Variants in STIM1 observed in about 807,000 individuals in gnomAD.
The protein encoded by STIM1 is stromal interaction molecule 1.
Under a neutral mutation model 74.7 loss-of-function variants are expected in STIM1, and 25 were observed. That is an observed-to-expected ratio of 0.33 (90% CI 0.24 to 0.47). The LOEUF (loss-of-function observed/expected upper bound fraction) is 0.47. STIM1 is among the 20% of genes least tolerant of loss of function. The pLI is 1.00. For missense variants in STIM1, 728 were observed against 920.8 expected (o/e 0.79, Z 2.71); for synonymous variants, 328 against 348.8 (o/e 0.94, Z 0.66).
At chr11:3,902,104 T>C (rs2092364542) in intron 1 of STIM1, among the ~76,000 whole-genome samples, 1 of 152,174 alleles carries the variant, frequency 6.6e-6, no homozygotes. Flanking sequence ...TCTTGGGTAA[T>C]GGAGATGTAG....
chr11:3,994,190 C>T (rs898805844), intron 2 of STIM1, among the ~76,000 whole-genome samples: 10 of 152,152 alleles, frequency 6.6e-5, no homozygotes, highest in Non-Finnish European at 8.8e-5. Context: ...ATCCCATTGT[C>T]TTCTGGCATC....
intron 2 of STIM1, among the ~76,000 whole-genome samples, chr11:4,011,852 T>A (rs967285053): frequency 6.6e-6 from 1 of 152,234 alleles, no homozygotes; most frequent in Non-Finnish European, 1.5e-5. Flanking sequence ...TTTTTATGGT[T>A]TTAGGTCTTA....
At chr11:3,895,650 C>CTTTG in intron 1 of STIM1, among the ~76,000 whole-genome samples, 1 of 11,852 alleles carries the variant, frequency 8.4e-5, no homozygotes, top group East Asian at 3.2e-3. Flanking sequence ...TTCTTTCTTT[C>CTTTG]TTTCTTTCTT....
At chr11:4,035,690 T>A (rs1243570052) in intron 3 of STIM1, among the ~76,000 whole-genome samples, 2 of 152,158 alleles carry the variant, frequency 1.3e-5, no homozygotes, top group Non-Finnish European at 2.9e-5. Context: ...TGATCTGAGA[T>A]CATACTTTAT....
intron 2 of STIM1, among the ~76,000 whole-genome samples, chr11:3,997,178 G>A (rs149453384): frequency 6.6e-6 from 1 of 152,338 alleles, no homozygotes; most frequent in African/African-American, 2.4e-5. Flanking sequence ...TTTTGGTGGG[G>A]CATCAACAAT....
intron 1 of STIM1, among the ~76,000 whole-genome samples, chr11:3,909,183 C>T (rs1209666587): frequency 6.6e-6 from 1 of 152,086 alleles, no homozygotes; most frequent in Non-Finnish European, 1.5e-5. Context: ...CTGGGGAGGC[C>T]AAGGCCAGAG....
At chr11:3,942,240 A>G (rs16929611) in intron 1 of STIM1, among the ~76,000 whole-genome samples, 11,417 of 152,092 alleles carry the variant, frequency 0.075, 763 homozygotes, top group East Asian at 0.18. Context: ...TGGTCTGTCT[A>G]CTCCAATGAG....
chr11:3,875,737 A>AC (rs1257430867), intron 1 of STIM1, among the ~76,000 whole-genome samples: 2 of 151,934 alleles, frequency 1.3e-5, no homozygotes, highest in Non-Finnish European at 2.9e-5. Flanking sequence ...AAAAAAAAAA[A>AC]ACCCCTAAAA....
chr11:3,966,362 G>T (rs948527646), intron 1 of STIM1, among the ~76,000 whole-genome samples: 1 of 152,322 alleles, frequency 6.6e-6, no homozygotes, highest in Admixed American at 6.5e-5. Context: ...CTAGCAAGAG[G>T]TAGAGAGGTG....
chr11:4,089,481 G>T (rs1182530962), intron 12 of STIM1, among the ~76,000 whole-genome samples: 2 of 152,168 alleles, frequency 1.3e-5, no homozygotes, highest in Non-Finnish European at 2.9e-5. Context: ...TCATCTTGGG[G>T]CTTAGAGAAA....
chr11:4,030,992 A>G (rs896756678), intron 3 of STIM1, among the ~76,000 whole-genome samples: 2 of 152,240 alleles, frequency 1.3e-5, no homozygotes, highest in African/African-American at 2.4e-5. Flanking sequence ...TTGTGAAACC[A>G]TCACTGCATT....
intron 7 of STIM1, among the ~76,000 whole-genome samples, chr11:4,078,760 G>C (rs2094450125): frequency 6.6e-6 from 1 of 151,372 alleles, no homozygotes; most frequent in South Asian, 2.1e-4. Context: ...TAGTAGAGAA[G>C]GGGTTTCACC....
chr11:3,892,337 C>T, intron 1 of STIM1: 1 of 1,072,472 alleles, frequency 9.3e-7, no homozygotes, highest in Non-Finnish European at 1.4e-6. Flanking sequence ...GGGGTGCTCT[C>T]CTGACCTACA....
intron 1 of STIM1, among the ~76,000 whole-genome samples, chr11:3,924,259 C>T (rs2092759274): frequency 6.8e-6 from 1 of 146,152 alleles, no homozygotes; most frequent in Admixed American, 7.0e-5. Flanking sequence ...AGTGCAGTGG[C>T]GCAATCTCGG....
At chr11:4,090,137 C>T (rs987148708) in intron 12 of STIM1, among the ~76,000 whole-genome samples, 1 of 152,196 alleles carries the variant, frequency 6.6e-6, no homozygotes, top group Admixed American at 6.5e-5. Context: ...CGTACATAGG[C>T]CTTTCAGCTT....
intron 2 of STIM1, among the ~76,000 whole-genome samples, chr11:3,998,231 T>C (rs1349133677): frequency 3.9e-5 from 6 of 152,212 alleles, no homozygotes; most frequent in Non-Finnish European, 5.9e-5. Context: ...ATTTTACAAA[T>C]GATGCAAGTT....
intron 1 of STIM1, among the ~76,000 whole-genome samples, chr11:3,934,207 G>A (rs1048389690): frequency 1.4e-5 from 2 of 146,848 alleles, no homozygotes; most frequent in African/African-American, 5.0e-5. Context: ...GTCTTCAATA[G>A]CTTTTCAGCA....
At position 3,995,869 on chromosome 11, in the gene STIM1, G is replaced by T. The variant is rs140853567; in HGVS notation, c.271-28004G>T. 5.5e-3 allele frequency among the ~76,000 whole-genome samples: 828 copies of T among 150,440 alleles called. 7 individuals carry two copies. The highest frequency in any genetic ancestry group is 0.019 in the African/African-American group (794 of 40,942). On this transcript the variant is annotated intron_variant, in intron 2 of 12. Coordinates refer to ENST00000526596, the MANE Select transcript of STIM1 (RefSeq NM_001382567.1). ...ATGTGCAGGATGTGCAGGTGGCCTG[G>T]CTAATTTTTAAATTTTTTGTGAAGA...
intron 2 of STIM1, among the ~76,000 whole-genome samples, chr11:4,006,876 G>A (rs1025570486): frequency 1.4e-4 from 22 of 152,246 alleles, no homozygotes; most frequent in African/African-American, 5.1e-4. Context: ...GTTGGAAAGG[G>A]GAGGGAAGTG....
Sources: gnomAD v4.1 joint callset for allele counts (sites outside exome capture counted in the v4.1 genomes callset) on GRCh38, gnomAD v4.1.1 for gene constraint, MANE v1.5 for transcripts, NCBI Gene and HGNC (gene_info 2026-07-23, HGNC 2026-07-21) for gene names.